RUFY3: variants seen among roughly 807,000 people sequenced by gnomAD.
RUFY3 encodes the protein RUN and FYVE domain containing 3.
RUFY3 carries 34 observed loss-of-function variants against 84.0 expected under a neutral mutation model. The ratio of observed to expected loss-of-function variants is 0.40; its 90% CI spans 0.31 to 0.54. The LOEUF is 0.54. RUFY3 is among the 20% of genes least tolerant of loss of function. RUFY3 has a pLI of 0.39. For missense variants in RUFY3, 507 were observed against 736.8 expected, an observed-to-expected ratio of 0.69 and a Z score of 3.61; for synonymous variants, 242 against 252.9, an observed-to-expected ratio of 0.96 and a Z score of 0.41.
In RUFY3 at chr4:70,722,506, AT is replaced by A. The variant is rs1371015615; in HGVS notation, c.-61del. The A allele has an allele frequency of 2.8e-6, 4 of 1,408,734 alleles. No individual in the cohort carries two copies. Among genetic ancestry groups the A allele is most frequent in the South Asian group, 1.8e-5 (1 of 55,988 alleles). The allele number at this position is 1,408,734 out of a possible 1,614,324, so 87.3% of individuals were successfully genotyped here. A position where few individuals can be genotyped will look rare whatever the true frequency, so the allele number is the denominator to read the frequency against. Reference sequence around the variant, plus strand: ...TTTTTTTGGTGAGGAGGTTGTATTTATTTTTTTGGTGTGTGTGTGTGAGTGT... The same window carrying A: ...TTTTTTTGGTGAGGAGGTTGTATTTATTTTTTGGTGTGTGTGTGTGAGTGT... On this transcript the variant is annotated 5_prime_UTR_variant, in exon 1 of 18. Coordinates refer to ENST00000381006, the MANE Select transcript of RUFY3 (RefSeq NM_001037442.4).
chr4:70,806,375 C>A, intron 17 of RUFY3, 141 bp from the exon 18 acceptor site: 2 of 944,758 alleles, frequency 2.1e-6, no homozygotes, highest in Non-Finnish European at 3.2e-6. Context: ...GGCCTGTGTT[C>A]AGATACTACC....
chr4:70,778,570 ATTC>A, intron 8 of RUFY3, 132 bp downstream of exon 8: 3 of 233,678 alleles, frequency 1.3e-5, no homozygotes, highest in Non-Finnish European at 1.6e-5. Context: ...ATAACTTCTT[ATTC>A]TTTTTTTTTT....
At chr4:70,729,366 C>T (rs1298488766) in intron 1 of RUFY3, among the ~76,000 whole-genome samples, 2 of 152,174 alleles carry the variant, frequency 1.3e-5, no homozygotes, top group African/African-American at 4.8e-5. Context: ...ACACAATTCT[C>T]CTGCCTCAGC....
At chr4:70,790,419 G>T (rs908215804) in intron 12 of RUFY3, among the ~76,000 whole-genome samples, 10 of 152,152 alleles carry the variant, frequency 6.6e-5, no homozygotes, top group African/African-American at 1.7e-4. Flanking sequence ...GCTGGTCCCT[G>T]TACTTCCCAT....
At chr4:70,794,442 A>G (rs756010564) in intron 13 of RUFY3, among the ~76,000 whole-genome samples, 3 of 152,114 alleles carry the variant, frequency 2.0e-5, no homozygotes, top group Non-Finnish European at 4.4e-5. Flanking sequence ...TTTGCCAGAC[A>G]TAGTGGTGGG....
At chr4:70,707,827 C>T (rs920866593) in intron 1 of RUFY3, among the ~76,000 whole-genome samples, 3 of 152,102 alleles carry the variant, frequency 2.0e-5, no homozygotes, top group Middle Eastern at 3.4e-3. Context: ...TGCTTTAGAA[C>T]GTAAGCATAC....
chr4:70,748,453 C>T (rs901723963), intron 1 of RUFY3, among the ~76,000 whole-genome samples: 7 of 152,170 alleles, frequency 4.6e-5, no homozygotes, highest in African/African-American at 1.7e-4. Flanking sequence ...GGTGTTATCT[C>T]ATTTGAAGTA....
At chr4:70,720,529 A>C (rs1420916322), upstream of RUFY3, among the ~76,000 whole-genome samples, 1 of 101,482 alleles carries the variant, frequency 9.9e-6, no homozygotes, top group Non-Finnish European at 2.1e-5. Context: ...GTTTCTCTAC[A>C]GAATTTGATT....
At chr4:70,785,253 A>G (rs1248299885) in intron 10 of RUFY3, among the ~76,000 whole-genome samples, 1 of 151,802 alleles carries the variant, frequency 6.6e-6, no homozygotes, top group Non-Finnish European at 1.5e-5. Context: ...ATGTAGGATT[A>G]CTCTATTTTA....
intron 1 of RUFY3, among the ~76,000 whole-genome samples, chr4:70,739,364 A>G (rs1039482308): frequency 3.3e-5 from 5 of 152,172 alleles, no homozygotes; most frequent in African/African-American, 4.8e-5. Context: ...CGGCAAATAT[A>G]GAGAAATCCA....
chr4:70,711,503 G>A (rs1296750098), intron 1 of RUFY3, among the ~76,000 whole-genome samples: 2 of 152,192 alleles, frequency 1.3e-5, no homozygotes, highest in African/African-American at 4.8e-5. Flanking sequence ...ATGTAGATCA[G>A]TGTCCTCATT....
intron 1 of RUFY3, among the ~76,000 whole-genome samples, chr4:70,705,715 G>C (rs1256659595): frequency 6.6e-6 from 1 of 152,164 alleles, no homozygotes; most frequent in Non-Finnish European, 1.5e-5. Flanking sequence ...GGCGGCGCCC[G>C]GAGACCCCGT....
intron 8 of RUFY3, among the ~76,000 whole-genome samples, chr4:70,782,425 C>T (rs1460131283): frequency 6.6e-6 from 1 of 151,304 alleles, no homozygotes; most frequent in Admixed American, 6.6e-5. Context: ...GCTGGGATTA[C>T]AGGCACACAC....
chr4:70,795,996 T>A (rs1731452122), intron 14 of RUFY3, among the ~76,000 whole-genome samples: 1 of 152,184 alleles, frequency 6.6e-6, no homozygotes, highest in South Asian at 2.1e-4. Context: ...CTGGGCATTT[T>A]TGTGCTAAAA....
chr4:70,775,059 G>A, intron 6 of RUFY3, 109 bp from the exon 7 acceptor site: 2 of 675,346 alleles, frequency 3.0e-6, no homozygotes, highest in South Asian at 2.2e-5. Flanking sequence ...GTGTATCTGT[G>A]CCACAATTTT....
intron 9 of RUFY3, 46 bp downstream of exon 9, chr4:70,783,229 C>A: frequency 8.1e-7 from 1 of 1,235,798 alleles, no homozygotes; most frequent in Non-Finnish European, 1.2e-6. Flanking sequence ...AGCATATCAA[C>A]TTGTTAGTGG....
intron 1 of RUFY3, among the ~76,000 whole-genome samples, chr4:70,723,761 C>T (rs530813219): frequency 5.8e-4 from 88 of 152,236 alleles, no homozygotes; most frequent in Admixed American, 5.1e-3. Flanking sequence ...TTAGGCACAT[C>T]GACAGGACAA....
chr4:70,774,614 C>CAAAAAAAAAAAAAAAAA (rs1172638290), intron 6 of RUFY3, among the ~76,000 whole-genome samples: 1 of 22,090 alleles, frequency 4.5e-5, no homozygotes, highest in Non-Finnish European at 7.0e-5. Flanking sequence ...GACTCTGCCT[C>CAAAAAAAAAAAAAAAAA]AAAAAAAAAA....
At chr4:70,770,517 C>A (rs926713476) in intron 5 of RUFY3, among the ~76,000 whole-genome samples, 2 of 152,206 alleles carry the variant, frequency 1.3e-5, no homozygotes, top group African/African-American at 4.8e-5. Context: ...CCAGTGGCTG[C>A]TAACTTCAGG....
Sources: gnomAD v4.1 joint callset for allele counts (sites outside exome capture counted in the v4.1 genomes callset) on GRCh38, gnomAD v4.1.1 for gene constraint, MANE v1.5 for transcripts, NCBI Gene and HGNC (gene_info 2026-07-23, HGNC 2026-07-21) for gene names.